The following BDH1 variants were observed in gnomAD, a reference collection of about 807,000 sequenced individuals.
BDH1 encodes the protein 3-hydroxybutyrate dehydrogenase 1, also known as D-beta-hydroxybutyrate dehydrogenase, mitochondrial.
Under a neutral mutation model 33.1 loss-of-function variants are expected in BDH1, and 30 were observed. The observed-to-expected ratio is 0.91, with a 90% CI of 0.68 to 1.23. The LOEUF (loss-of-function observed/expected upper bound fraction) is 1.23, where lower values mean the gene tolerates loss of function less well. Ranked by LOEUF, BDH1 falls within the 50% of genes most tolerant of loss-of-function variation. The probability of loss-of-function intolerance (pLI) is 0.00; values close to 1 mark genes in which losing one functional copy is unlikely to be tolerated. For missense variants in BDH1, 443 were observed against 464.4 expected, an observed-to-expected ratio of 0.95 and a Z score of 0.42; for synonymous variants, 190 against 183.6, an observed-to-expected ratio of 1.03 and a Z score of -0.28.
intron 4 of BDH1, 70 bp from the exon 5 acceptor site, chr3:197,532,592 C>T (rs1483367927): frequency 8.8e-7 from 1 of 1,142,074 alleles, no homozygotes; most frequent in Admixed American, 1.8e-5. Context: ...GCCTCTCCAC[C>T]CTCTGTGCAG....
At chr3:197,517,030 C>T (rs905552938) in intron 6 of BDH1, among the ~76,000 whole-genome samples, 12 of 152,094 alleles carry the variant, frequency 7.9e-5, no homozygotes, top group Admixed American at 2.0e-4. Context: ...AAAGTCCCCA[C>T]GCCCCAGGCT....
At chr3:197,549,305 C>T (rs371813768) in intron 2 of BDH1, among the ~76,000 whole-genome samples, 3 of 152,276 alleles carry the variant, frequency 2.0e-5, no homozygotes, top group East Asian at 3.9e-4. Flanking sequence ...TCTCAAGGGC[C>T]CGCTCCACTG....
intron 6 of BDH1, among the ~76,000 whole-genome samples, chr3:197,519,955 G>GC (rs1163513077): frequency 1.3e-5 from 2 of 152,150 alleles, no homozygotes; most frequent in Non-Finnish European, 2.9e-5. Context: ...CAGGCTGCAG[G>GC]GCGTCAAACT....
chr3:197,556,204 A>G (rs535332250), upstream of BDH1, among the ~76,000 whole-genome samples: 1 of 152,338 alleles, frequency 6.6e-6, no homozygotes, highest in East Asian at 1.9e-4. Flanking sequence ...AGATGGAGCC[A>G]GGTGCGGAAA....
Position 197,521,968 on chromosome 3 carries a change from C to T in BDH1, c.409+672G>A, listed in dbSNP as rs553007517. ...CATTGGGAGACCAGCCATGTTCCCT[C>T]GCCTGGGATCCAAGACCTCCCTCCC... On this transcript the variant is annotated intron_variant, in intron 6 of 7. Coordinates refer to ENST00000392379, the MANE Select transcript of BDH1 (RefSeq NM_203314.3). The surrounding 1 kb of genome is among the most constrained non-coding windows in gnomAD (Gnocchi z 4.9). 2.0e-5 allele frequency among the ~76,000 whole-genome samples: 3 copies of T among 152,302 alleles called. No homozygotes were observed. Among genetic ancestry groups the T allele is most frequent in the East Asian group, 1.9e-4 (1 of 5,182 alleles).
rs1713961174 is a variant in BDH1, at chr3:197,525,096, G to A, written c.268-2315C>T. On this transcript the variant is annotated intron_variant, in intron 5 of 7. Coordinates refer to ENST00000392379, the MANE Select transcript of BDH1 (RefSeq NM_203314.3). This position sits in a 1 kb window ranked among gnomAD's most constrained non-coding sequence, Gnocchi z 4.9. ...CGGGACAGATGGGCCTGGAGCTCAG[G>A]CTGTCATTCCCACAGAGGACTCCAC... Among the ~76,000 whole-genome samples the A allele has an allele frequency of 6.6e-6, 1 of 152,226 alleles. No homozygotes were observed. The highest frequency in any genetic ancestry group is 2.4e-5 in the African/African-American group (1 of 41,464).
Position 197,512,309 on chromosome 3 carries a change from G to T in BDH1, c.618C>A (p.Ser206=). The stretch of plus-strand genomic sequence containing the variant: ...CCCCGAACTTGGTGATGCAGTACGG[G>T]GAGCGGGCCGGGTTGGCCATGCGGC... The part of the protein sequence containing the change: ...MLGRMANPAR[S]PYCITKFGVE... Residue 206 remains serine, a synonymous_variant, in exon 8 of 8, where the codon TCC becomes TCA. Coordinates refer to ENST00000392379, the MANE Select transcript of BDH1 (RefSeq NM_203314.3). 1 of 1,611,704 alleles carries T rather than the reference G, an allele frequency of 6.2e-7. No homozygotes were observed. The highest frequency in any genetic ancestry group is 8.5e-7 in the Non-Finnish European group (1 of 1,179,978).
At chr3:197,535,301 T>A (rs915724782) in intron 3 of BDH1, among the ~76,000 whole-genome samples, 1 of 152,260 alleles carries the variant, frequency 6.6e-6, no homozygotes, top group Non-Finnish European at 1.5e-5. Flanking sequence ...ATTCTTCAGA[T>A]GTCCTAGCTG....
At chr3:197,533,274 G>A (rs974437335) in intron 4 of BDH1, among the ~76,000 whole-genome samples, 1 of 152,196 alleles carries the variant, frequency 6.6e-6, no homozygotes, top group Non-Finnish European at 1.5e-5. Flanking sequence ...GCTGGGAGGG[G>A]CTGGAGTGCC....
In BDH1 at chr3:197,526,727, G is replaced by C. The variant is rs1273336837; in HGVS notation, c.268-3946C>G. ...TGTTTCCTGCCCAGGTAGAAGGATAGCCCTCTCCCGACCAGCTCTCCGTGC... is the reference window on the plus strand; with the variant it reads ...TGTTTCCTGCCCAGGTAGAAGGATACCCCTCTCCCGACCAGCTCTCCGTGC... On this transcript the variant is annotated intron_variant, in intron 5 of 7. Transcript: ENST00000392379. The surrounding 1 kb of genome is among the most constrained non-coding windows in gnomAD (Gnocchi z 4.7). 1.3e-5 allele frequency among the ~76,000 whole-genome samples: 2 copies of C among 152,164 alleles called. No homozygotes were observed. The highest frequency in any genetic ancestry group is 2.9e-5 in the Non-Finnish European group (2 of 68,034).
chr3:197,514,566 A>G lies in BDH1; in HGVS notation c.410-150T>C. On this transcript the variant is annotated intron_variant, in intron 6 of 7. Transcript: ENST00000392379. The surrounding 1 kb of genome is among the most constrained non-coding windows in gnomAD (Gnocchi z 4.2). ...CTCAAGAAACTTTCTAGAGTCACTC[A>G]GGAACGACAGGAGGTAAAGAGGCCT... 1.1e-6 allele frequency: 1 copy of G among 903,456 alleles called. No individual in the cohort carries two copies. Among genetic ancestry groups the G allele is most frequent in the Admixed American group, 3.0e-5 (1 of 33,120 alleles). The allele number at this position is 903,456 out of a possible 1,614,324, so 56.0% of individuals were successfully genotyped here. A position where few individuals can be genotyped will look rare whatever the true frequency, so the allele number is the denominator to read the frequency against.
chr3:197,533,234 C>CCG (rs895112312), intron 4 of BDH1, among the ~76,000 whole-genome samples: 1 of 152,060 alleles, frequency 6.6e-6, no homozygotes, highest in African/African-American at 2.4e-5. Flanking sequence ...GTTCTCGCCC[C>CCG]CCACCTAGGC....
At position 197,514,487 on chromosome 3, in the gene BDH1, G is replaced by A; in HGVS notation, c.410-71C>T. On this transcript the variant is annotated intron_variant, in intron 6 of 7. Coordinates refer to ENST00000392379, the MANE Select transcript of BDH1 (RefSeq NM_203314.3). The surrounding 1 kb of genome is among the most constrained non-coding windows in gnomAD (Gnocchi z 4.2). ...CCAGACATTGCCCATCAGCCTGCAG[G>A]CCAGCCTCCTCTCTGCTTCTTTCCT... 1 of 1,459,738 alleles carries A rather than the reference G, an allele frequency of 6.9e-7. No individual in the cohort carries two copies. Among genetic ancestry groups the A allele is most frequent in the East Asian group, 2.5e-5 (1 of 40,440 alleles). The allele number at this position is 1,459,738 out of a possible 1,614,324, so 90.4% of individuals were successfully genotyped here.
At chr3:197,537,112 C>T (rs1034456856) in intron 3 of BDH1, among the ~76,000 whole-genome samples, 3 of 152,108 alleles carry the variant, frequency 2.0e-5, no homozygotes, top group East Asian at 1.9e-4. Flanking sequence ...CCTCAGCCTC[C>T]CCAGTAGCTG....
intron 3 of BDH1, among the ~76,000 whole-genome samples, chr3:197,536,391 G>A (rs1213969784): frequency 6.6e-6 from 1 of 152,104 alleles, no homozygotes. Context: ...ATATGACTGG[G>A]ATTTTTATAG....
At position 197,546,419 on chromosome 3, in the gene BDH1, G is replaced by T; in HGVS notation, c.25C>A (p.Pro9Thr). The change falls in exon 3 of 8, where the codon CCC (proline) becomes ACC (threonine). Residue 9 changes from proline (P) to threonine (T), a missense_variant. By Grantham distance (38) the Pro-to-Thr change is conservative (BLOSUM62 -1). Transcript: ENST00000392379. MLATRLSRPLSRLPGKTLS... is the reference protein window; with the variant it reads MLATRLSRTLSRLPGKTLS... ...GTTTTTCCTGGGAGCCGTGACAGGGGTCTGGAGAGGCGGGTGGCCAGCATG... is the reference window on the plus strand; with the variant it reads ...GTTTTTCCTGGGAGCCGTGACAGGGTTCTGGAGAGGCGGGTGGCCAGCATG... 1.2e-6 allele frequency: 2 copies of T among 1,614,128 alleles called. No homozygotes were observed. Among genetic ancestry groups the T allele is most frequent in the Non-Finnish European group, 1.7e-6 (2 of 1,180,028 alleles).
rs563267323 is a variant in BDH1, at chr3:197,523,789, T to C, written c.268-1008A>G. On this transcript the variant is annotated intron_variant, in intron 5 of 7. Transcript: ENST00000392379. This position sits in a 1 kb window ranked among gnomAD's most constrained non-coding sequence, Gnocchi z 4.5. ...GGCAGGGGAGACCTTCCAAAGGCAG[T>C]GACAGCTGAGGACATTCACAAGAGG... is the stretch of plus-strand genomic sequence containing the variant. Among the ~76,000 whole-genome samples, 45 of 152,048 alleles carry C rather than the reference T, an allele frequency of 3.0e-4. No homozygotes were observed. The South Asian group carries it at 9.4e-3, about 32-fold the overall frequency.
chr3:197,554,547 A>T lies in BDH1; in HGVS notation c.-44+15T>A, dbSNP rs1259311252. 6.6e-6 allele frequency: 1 copy of T among 152,192 alleles called. No homozygotes were observed. Among genetic ancestry groups the T allele is most frequent in the African/African-American group, 2.4e-5 (1 of 41,434 alleles). 9.4% of individuals were successfully genotyped at this position (152,192 alleles called of 1,614,324 possible). On this transcript the variant is annotated intron_variant, in intron 2 of 7. Coordinates refer to ENST00000392379, the MANE Select transcript of BDH1 (RefSeq NM_203314.3). The surrounding 1 kb of genome is among the most constrained non-coding windows in gnomAD (Gnocchi z 4.4). Reference sequence around the variant, plus strand: ...GCCCGGCTCCAACGCCTCTTGTAGAAAGAAGGACACTGACCAGGACATTTG... The same window carrying T: ...GCCCGGCTCCAACGCCTCTTGTAGATAGAAGGACACTGACCAGGACATTTG...
At chr3:197,556,470 C>G (rs199695202), upstream of BDH1, among the ~76,000 whole-genome samples, 1 of 152,100 alleles carries the variant, frequency 6.6e-6, no homozygotes, top group East Asian at 1.9e-4. Flanking sequence ...GAGTTCGAGA[C>G]CAGCCTGGCC....
Sources: gnomAD v4.1 joint callset for allele counts (sites outside exome capture counted in the v4.1 genomes callset) on GRCh38, gnomAD v4.1.1 for gene constraint, Gnocchi (gnomAD v3.1) non-coding constraint, MANE v1.5 for transcripts, NCBI Gene and HGNC (gene_info 2026-07-23, HGNC 2026-07-21) for gene names.